ANO6: variants seen among roughly 807,000 people sequenced by gnomAD.
The protein encoded by ANO6 is anoctamin 6, also known as anoctamin-6.
ANO6 carries 106 observed loss-of-function variants against 117.5 expected under a neutral mutation model. That is an observed-to-expected ratio of 0.90 (90% CI 0.77 to 1.06). The LOEUF is 1.06. ANO6 is among the 50% of genes least tolerant of loss of function. ANO6 has a pLI of 0.00. For missense variants in ANO6, 955 were observed against 1,121.1 expected (o/e 0.85, Z 2.12); for synonymous variants, 367 against 385.1 (o/e 0.95, Z 0.55).
downstream of ANO6, among the ~76,000 whole-genome samples, chr12:45,434,704 C>T (rs575071888): frequency 6.6e-6 from 1 of 152,312 alleles, no homozygotes; most frequent in Admixed American, 6.5e-5. Context: ...CTGTGGGAAA[C>T]CTCTGGGTAT....
chr12:45,427,853 C>A (rs1345558498), intron 19 of ANO6, among the ~76,000 whole-genome samples: 1 of 147,794 alleles, frequency 6.8e-6, no homozygotes, highest in East Asian at 2.0e-4. Context: ...GCAGGAGAAT[C>A]GCTTGAACCC....
downstream of ANO6, among the ~76,000 whole-genome samples, chr12:45,433,182 C>T (rs1943667741): frequency 6.6e-6 from 1 of 152,238 alleles, no homozygotes. Context: ...TAGCTACCTA[C>T]AGCTTCCCAC....
chr12:45,281,274 G>T (rs1477577944), intron 1 of ANO6, among the ~76,000 whole-genome samples: 1 of 152,176 alleles, frequency 6.6e-6, no homozygotes, highest in African/African-American at 2.4e-5. Flanking sequence ...TCCTCATGAT[G>T]CTTGTAGTCT....
chr12:45,312,569 A>G (rs1939881508), intron 2 of ANO6, among the ~76,000 whole-genome samples: 1 of 152,082 alleles, frequency 6.6e-6, no homozygotes, highest in Admixed American at 6.6e-5. Flanking sequence ...AGGTCCCATT[A>G]GTTAACTGTA....
At chr12:45,337,335 GGT>G (rs1465348601) in intron 3 of ANO6, among the ~76,000 whole-genome samples, 1 of 152,018 alleles carries the variant, frequency 6.6e-6, no homozygotes, top group Non-Finnish European at 1.5e-5. Context: ...TACTTACCAT[GGT>G]GTTACAGCTG....
In ANO6 at chr12:45,429,775, T is replaced by C; in HGVS notation, c.*464T>C. On this transcript the variant is annotated 3_prime_UTR_variant, in exon 20 of 20. Transcript: ENST00000320560. ...ATCATTATAGATTTAATTTAATAGC[T>C]TTCATGTGATTAAAAATAGCTAACT... 1.0e-6 allele frequency: 1 copy of C among 999,678 alleles called. No individual in the cohort carries two copies. The highest frequency in any genetic ancestry group is 1.2e-6 in the Non-Finnish European group (1 of 837,898). The allele number at this position is 999,678 out of a possible 1,614,324, so 61.9% of individuals were successfully genotyped here. A position where few individuals can be genotyped will look rare whatever the true frequency, so the allele number is the denominator to read the frequency against.
chr12:45,273,174 TAC>T (rs1374636906), intron 1 of ANO6, among the ~76,000 whole-genome samples: 3 of 152,130 alleles, frequency 2.0e-5, no homozygotes, highest in Non-Finnish European at 4.4e-5. Context: ...GGTCAAAGGG[TAC>T]AGAGTTTAAG....
intron 2 of ANO6, among the ~76,000 whole-genome samples, chr12:45,306,241 A>C (rs1237798176): frequency 6.6e-6 from 1 of 152,162 alleles, no homozygotes; most frequent in Non-Finnish European, 1.5e-5. Flanking sequence ...CTGACTTTTG[A>C]GAAGCTGGAA....
At chr12:45,345,951 G>A (rs563413632) in intron 3 of ANO6, among the ~76,000 whole-genome samples, 6 of 150,088 alleles carry the variant, frequency 4.0e-5, no homozygotes, top group Non-Finnish European at 5.9e-5. Flanking sequence ...CACGGTGGTG[G>A]GGGAGAGAGA....
intron 1 of ANO6, among the ~76,000 whole-genome samples, chr12:45,250,308 C>T (rs180793612): frequency 2.2e-4 from 33 of 152,298 alleles, no homozygotes; most frequent in Middle Eastern, 3.4e-3. Flanking sequence ...ATTCCATGCT[C>T]TCCAAATAGT....
intron 4 of ANO6, chr12:45,347,626 A>G (rs1415341266): frequency 4.7e-6 from 1 of 210,906 alleles, no homozygotes; most frequent in East Asian, 1.2e-4. Flanking sequence ...ACATAATATG[A>G]TATTGAACAG....
At chr12:45,401,172 C>T (rs1942776700) in intron 12 of ANO6, among the ~76,000 whole-genome samples, 1 of 152,150 alleles carries the variant, frequency 6.6e-6, no homozygotes, top group Non-Finnish European at 1.5e-5. Flanking sequence ...CTGCCAGTAC[C>T]AACAGTTAGC....
At chr12:45,388,055 T>C in intron 10 of ANO6, 106 bp from the exon 11 acceptor site, 7 of 1,431,414 alleles carry the variant, frequency 4.9e-6, no homozygotes, top group Non-Finnish European at 6.9e-6. Context: ...TTTATAGCAG[T>C]GTGAAAACAG....
intron 1 of ANO6, among the ~76,000 whole-genome samples, chr12:45,231,011 G>A (rs1947565494): frequency 1.3e-5 from 2 of 152,168 alleles, no homozygotes; most frequent in African/African-American, 4.8e-5. Flanking sequence ...GGAGGCTGAG[G>A]TGGGAGGACT....
chr12:45,347,936 T>C (rs1035399687), intron 4 of ANO6, 92 bp from the exon 5 acceptor site: 29 of 1,279,932 alleles, frequency 2.3e-5, no homozygotes, highest in Admixed American at 2.3e-4. Context: ...ATTGTTTTTT[T>C]AAAGCTACCA....
chr12:45,386,500 CATCCATCT>C (rs1942302401), intron 10 of ANO6, among the ~76,000 whole-genome samples: 1 of 127,718 alleles, frequency 7.8e-6, no homozygotes, highest in Non-Finnish European at 1.6e-5. Flanking sequence ...GTCATACCTG[CATCCATCT>C]GTCATACCTG....
chr12:45,365,632 C>T (rs1941665722), intron 8 of ANO6, among the ~76,000 whole-genome samples: 1 of 152,120 alleles, frequency 6.6e-6, no homozygotes, highest in African/African-American at 2.4e-5. Context: ...TACTTCTTCC[C>T]CCTTCAGTGG....
intron 2 of ANO6, among the ~76,000 whole-genome samples, chr12:45,321,638 C>T (rs1433421133): frequency 6.6e-6 from 1 of 152,088 alleles, no homozygotes; most frequent in Non-Finnish European, 1.5e-5. Flanking sequence ...CTTGAAATGA[C>T]AGTCGCGTGT....
chr12:45,420,314 T>G (rs1365450447), intron 17 of ANO6, among the ~76,000 whole-genome samples: 1 of 152,112 alleles, frequency 6.6e-6, no homozygotes, highest in Non-Finnish European at 1.5e-5. Context: ...TAATGTTGAC[T>G]CTGATTACAT....
Sources: gnomAD v4.1 joint callset for allele counts (sites outside exome capture counted in the v4.1 genomes callset) on GRCh38, gnomAD v4.1.1 for gene constraint, MANE v1.5 for transcripts, NCBI Gene and HGNC (gene_info 2026-07-23, HGNC 2026-07-21) for gene names.